The following TAFA1 variants were observed in gnomAD, a reference collection of about 807,000 sequenced individuals.
TAFA1 encodes the protein TAFA chemokine like family member 1, also known as chemokine-like protein TAFA-1.
In TAFA1, 4 loss-of-function variants were observed where a neutral mutation model predicts 18.5. The observed-to-expected ratio is 0.22, with a 90% confidence interval of 0.11 to 0.49. The LOEUF is 0.49. Among genes scored for constraint, TAFA1 ranks in the 20% least tolerant of loss-of-function variants. The pLI, the probability that TAFA1 is intolerant of heterozygous loss-of-function variation, is 0.98. For missense variants in TAFA1, 147 were observed against 169.0 expected, an observed-to-expected ratio of 0.87 and a Z score of 0.72; for synonymous variants, 56 against 55.2, an observed-to-expected ratio of 1.01 and a Z score of -0.06.
intron 2 of TAFA1, among the ~76,000 whole-genome samples, chr3:68,310,851 C>A (rs2106677002): frequency 6.6e-6 from 1 of 152,032 alleles, no homozygotes; most frequent in African/African-American, 2.4e-5. Context: ...CATTTTTATT[C>A]AGAGAATTTT....
intron 3 of TAFA1, among the ~76,000 whole-genome samples, chr3:68,488,977 G>A (rs1198524165): frequency 1.3e-5 from 2 of 152,164 alleles, no homozygotes; most frequent in African/African-American, 4.8e-5. Flanking sequence ...GACAGGCTCT[G>A]AGCTAAGTGC....
chr3:68,076,659 A>G (rs1459207003), intron 2 of TAFA1, among the ~76,000 whole-genome samples: 1 of 152,290 alleles, frequency 6.6e-6, no homozygotes, highest in Non-Finnish European at 1.5e-5. Context: ...ATGGCTGTAT[A>G]GTATTCCATG....
chr3:68,540,055 C>A (rs2073347580), intron 4 of TAFA1, among the ~76,000 whole-genome samples: 1 of 152,120 alleles, frequency 6.6e-6, no homozygotes, highest in South Asian at 2.1e-4. Context: ...TCTTGACTTA[C>A]TCTTTCTTCT....
At chr3:68,054,702 G>C (rs1344750260) in intron 2 of TAFA1, among the ~76,000 whole-genome samples, 1 of 152,156 alleles carries the variant, frequency 6.6e-6, no homozygotes, top group Non-Finnish European at 1.5e-5. Flanking sequence ...TGGCCTGCAA[G>C]GCCTAAACTG....
intron 2 of TAFA1, among the ~76,000 whole-genome samples, chr3:68,098,762 A>G (rs1365488409): frequency 2.0e-5 from 3 of 152,328 alleles, no homozygotes; most frequent in Non-Finnish European, 4.4e-5. Context: ...CTATACTACA[A>G]TGTTGCAGTA....
At chr3:68,429,803 C>T (rs1575859067) in intron 3 of TAFA1, among the ~76,000 whole-genome samples, 1 of 151,880 alleles carries the variant, frequency 6.6e-6, no homozygotes, top group African/African-American at 2.4e-5. Flanking sequence ...ATCATCAATT[C>T]CAGAGGTCCT....
chr3:68,145,218 G>A (rs966368081), intron 2 of TAFA1: 5 of 794,862 alleles, frequency 6.3e-6, no homozygotes, highest in Non-Finnish European at 9.3e-6. Context: ...TCTGAACTTG[G>A]GGGAATTTGG....
intron 2 of TAFA1, among the ~76,000 whole-genome samples, chr3:68,403,693 C>A (rs1034610001): frequency 6.6e-6 from 1 of 152,186 alleles, no homozygotes; most frequent in African/African-American, 2.4e-5. Flanking sequence ...TTGGTAGTTG[C>A]TCCAGAGACC....
intron 2 of TAFA1, among the ~76,000 whole-genome samples, chr3:68,041,793 A>C (rs1241238964): frequency 6.6e-6 from 1 of 152,170 alleles, no homozygotes; most frequent in East Asian, 1.9e-4. Flanking sequence ...ACAGTAAAAG[A>C]TAAAATTTGG....
the TAFA1 span, among the ~76,000 whole-genome samples, chr3:67,992,198 G>C: frequency 6.6e-6 from 1 of 152,138 alleles, no homozygotes; most frequent in Non-Finnish European, 1.5e-5. Context: ...CTGGGATCTT[G>C]GCTGTTTACA....
intron 2 of TAFA1, among the ~76,000 whole-genome samples, chr3:68,053,555 T>C (rs2064498231): frequency 6.6e-6 from 1 of 152,142 alleles, no homozygotes; most frequent in Non-Finnish European, 1.5e-5. Flanking sequence ...ATGCATGCTA[T>C]GGAATCTGCC....
Position 68,310,302 on chromosome 3 carries a change from G to A in TAFA1, c.119-106978G>A, listed in dbSNP as rs533152858. Among the ~76,000 whole-genome samples, 11 of 152,020 alleles carry A rather than the reference G, an allele frequency of 7.2e-5. No homozygotes were observed. In the South Asian group the frequency reaches 1.7e-3, roughly 23 times the overall value. On this transcript the variant is annotated intron_variant, in intron 2 of 4. Transcript: ENST00000478136. ...TTTAATTTTTAGAAGCAAAGGTCTC[G>A]GCTTCTCAATTACCAGTATCAGCTA...
rs181253029 is a variant in TAFA1, at chr3:68,371,837, C to T, written c.119-45443C>T. Among the ~76,000 whole-genome samples the T allele has an allele frequency of 7.2e-5, 11 of 152,262 alleles. No homozygotes were observed. In the East Asian group the frequency reaches 2.1e-3, roughly 29 times the overall value. The stretch of plus-strand genomic sequence containing the variant: ...AGAATGTTGAGAACTGGTGAGCACA[C>T]ACTGTTTTTAATTGGGAATGGTGCT... On this transcript the variant is annotated intron_variant, in intron 2 of 4. Transcript: ENST00000478136.
intron 2 of TAFA1, among the ~76,000 whole-genome samples, chr3:68,355,861 T>C (rs1032467799): frequency 2.6e-5 from 4 of 152,028 alleles, no homozygotes; most frequent in African/African-American, 7.2e-5. Context: ...AAAGACTGAA[T>C]GATTGTAGCT....
At chr3:68,392,750 A>C (rs546491230) in intron 2 of TAFA1, among the ~76,000 whole-genome samples, 41 of 152,350 alleles carry the variant, frequency 2.7e-4, no homozygotes, top group African/African-American at 8.7e-4. Flanking sequence ...CCTGCTCCTG[A>C]ATGATTGCTA....
At chr3:68,145,975 C>T (rs1003558206) in intron 2 of TAFA1, among the ~76,000 whole-genome samples, 5 of 152,156 alleles carry the variant, frequency 3.3e-5, no homozygotes, top group Non-Finnish European at 5.9e-5. Context: ...TATCACTGCC[C>T]TCCCTGTCCC....
chr3:68,003,209 C>T (rs528420928), upstream of TAFA1, among the ~76,000 whole-genome samples: 4 of 152,248 alleles, frequency 2.6e-5, no homozygotes, highest in East Asian at 1.9e-4. Context: ...GCAAGACTGA[C>T]GAGTCTGAAG....
chr3:68,362,410 G>C (rs1380625936), intron 2 of TAFA1, among the ~76,000 whole-genome samples: 1 of 152,126 alleles, frequency 6.6e-6, no homozygotes, highest in Non-Finnish European at 1.5e-5. Flanking sequence ...ACGGACTGAA[G>C]ACGGAGAAAT....
chr3:68,013,041 A>G (rs1017878555), intron 2 of TAFA1, among the ~76,000 whole-genome samples: 2 of 152,106 alleles, frequency 1.3e-5, no homozygotes, highest in African/African-American at 2.4e-5. Context: ...TTTCGACAGC[A>G]TCTACCATAC....
Sources: gnomAD v4.1 joint callset for allele counts (sites outside exome capture counted in the v4.1 genomes callset) on GRCh38, gnomAD v4.1.1 for gene constraint, MANE v1.5 for transcripts, NCBI Gene and HGNC (gene_info 2026-07-23, HGNC 2026-07-21) for gene names.